HMG20A: variants seen among roughly 807,000 people sequenced by gnomAD.
HMG20A encodes the protein high mobility group protein 20A.
HMG20A carries 17 observed loss-of-function variants against 43.9 expected under a neutral mutation model. The observed-to-expected ratio is 0.39, with a 90% CI of 0.27 to 0.58. The LOEUF (loss-of-function observed/expected upper bound fraction) is 0.58. HMG20A is among the 20% of genes least tolerant of loss of function. The pLI is 0.59. For synonymous variants in HMG20A, 132 were observed against 147.5 expected (o/e 0.89, Z 0.76); for missense variants, 341 against 438.2 (o/e 0.78, Z 1.98).
At chr15:77,477,668 T>C (rs1327191307) in intron 7 of HMG20A, 38 bp downstream of exon 7, 2 of 1,377,336 alleles carry the variant, frequency 1.5e-6, no homozygotes, top group South Asian at 2.4e-5. Context: ...TCTCAGATTT[T>C]TGACAGGGGA....
Position 77,477,552 on chromosome 15 carries a change from CAGAA to C in HMG20A, c.619_622del (p.Glu207GlnfsTer3). 1 of 1,600,756 alleles carries C rather than the reference CAGAA, an allele frequency of 6.2e-7. No individual in the cohort carries two copies. Among genetic ancestry groups the C allele is most frequent in the Non-Finnish European group, 8.6e-7 (1 of 1,169,314 alleles). ...TAACTGTTTTGTTCCTCTTGATTCA[CAGAA>C]AGAAACAGAGGTAAAGGAACGGTCT... On this transcript the variant is annotated splice_acceptor_variant and coding_sequence_variant, in exon 7 of 10. Coordinates refer to ENST00000336216, the MANE Select transcript of HMG20A (RefSeq NM_001304504.2). LOFTEE classifies it high-confidence loss of function.
the HMG20A span, among the ~76,000 whole-genome samples, chr15:77,503,169 A>C: frequency 2.0e-5 from 3 of 152,204 alleles, no homozygotes; most frequent in Non-Finnish European, 4.4e-5. Context: ...GACAAAGCAT[A>C]GATAGATAAG....
In HMG20A at chr15:77,478,362, G is replaced by A; in HGVS notation, c.759G>A (p.Leu253=). 3.1e-6 allele frequency: 5 copies of A among 1,613,656 alleles called. No individual in the cohort carries two copies. Among genetic ancestry groups the A allele is most frequent in the Non-Finnish European group, 4.2e-6 (5 of 1,180,032 alleles). The change falls in exon 8 of 10, where the codon CTG becomes CTA. Residue 253 remains leucine, a synonymous_variant. Coordinates refer to ENST00000336216, the MANE Select transcript of HMG20A (RefSeq NM_001304504.2). ...NMEFEERNAA[L]QKHVESMRTA... Reference sequence around the variant, plus strand: ...AGTTTGAGGAGAGGAATGCAGCCCTGCAAAAGCACGTGGAGAGCATGCGCA... The same window carrying A: ...AGTTTGAGGAGAGGAATGCAGCCCTACAAAAGCACGTGGAGAGCATGCGCA...
At chr15:77,480,625 A>C (rs866803349) in intron 9 of HMG20A, among the ~76,000 whole-genome samples, 3 of 151,158 alleles carry the variant, frequency 2.0e-5, no homozygotes, top group Non-Finnish European at 4.4e-5. Flanking sequence ...AAAAAAAAAA[A>C]CAAAATAAAA....
intron 1 of HMG20A, among the ~76,000 whole-genome samples, chr15:77,457,606 G>T (rs2072666675): frequency 6.6e-6 from 1 of 152,144 alleles, no homozygotes; most frequent in Admixed American, 6.5e-5. Flanking sequence ...TTGTCACTTT[G>T]TCCTTTTATC....
chr15:77,506,485 C>T, the HMG20A span, among the ~76,000 whole-genome samples: 9 of 152,184 alleles, frequency 5.9e-5, no homozygotes, highest in East Asian at 5.8e-4. Flanking sequence ...CTGGAGTGTG[C>T]GGCTGCCCTC....
chr15:77,489,692 C>G (rs1329062844), downstream of HMG20A, among the ~76,000 whole-genome samples: 2 of 152,120 alleles, frequency 1.3e-5, no homozygotes, highest in Non-Finnish European at 2.9e-5. Flanking sequence ...AAAGTATCTT[C>G]TGAAGAAAGA....
chr15:77,471,598 C>G (rs1220321834), intron 5 of HMG20A, among the ~76,000 whole-genome samples, 185 bp from the exon 6 acceptor site: 1 of 152,142 alleles, frequency 6.6e-6, no homozygotes, highest in Non-Finnish European at 1.5e-5. Context: ...ATTATGAATT[C>G]TGTAGGCATG....
intron 1 of HMG20A, among the ~76,000 whole-genome samples, chr15:77,448,807 G>A (rs183554706): frequency 0.013 from 2,002 of 152,192 alleles, 25 homozygotes; most frequent in South Asian, 0.028. Flanking sequence ...AATAAGGCCG[G>A]GCGCGGTGGC....
At chr15:77,450,255 C>T (rs762560016) in intron 1 of HMG20A, among the ~76,000 whole-genome samples, 2 of 151,976 alleles carry the variant, frequency 1.3e-5, no homozygotes, top group African/African-American at 2.4e-5. Context: ...TCAGCCTCCC[C>T]GAGTAGCTAG....
intron 6 of HMG20A, among the ~76,000 whole-genome samples, chr15:77,476,080 G>A (rs1045243635): frequency 1.3e-5 from 2 of 152,084 alleles, no homozygotes; most frequent in African/African-American, 4.8e-5. Flanking sequence ...CTTACTAGGC[G>A]GCCACCGTTA....
At chr15:77,519,079 C>CA in the HMG20A span, among the ~76,000 whole-genome samples, 78 of 152,294 alleles carry the variant, frequency 5.1e-4, no homozygotes, top group Middle Eastern at 0.017. Context: ...AAGCCAAATG[C>CA]AAATGGCCAC....
At chr15:77,444,201 A>G (rs1324760134) in intron 1 of HMG20A, among the ~76,000 whole-genome samples, 2 of 152,182 alleles carry the variant, frequency 1.3e-5, no homozygotes, top group Non-Finnish European at 2.9e-5. Context: ...TTTTACATAT[A>G]AGGGTATTGA....
intron 1 of HMG20A, among the ~76,000 whole-genome samples, chr15:77,447,201 A>C (rs2073683995): frequency 6.6e-6 from 1 of 152,166 alleles, no homozygotes; most frequent in Non-Finnish European, 1.5e-5. Flanking sequence ...CAGTGCTTAG[A>C]TTGCCTCTGT....
chr15:77,470,621 A>T (rs1322504727), intron 4 of HMG20A, among the ~76,000 whole-genome samples: 1 of 152,228 alleles, frequency 6.6e-6, no homozygotes, highest in Non-Finnish European at 1.5e-5. Context: ...AACTCTAATC[A>T]TCTTCATGAA....
At chr15:77,442,054 A>C (rs1353927415) in intron 1 of HMG20A, among the ~76,000 whole-genome samples, 1 of 152,246 alleles carries the variant, frequency 6.6e-6, no homozygotes, top group Non-Finnish European at 1.5e-5. Flanking sequence ...ATTGGCAAGA[A>C]GTAAAACAAC....
chr15:77,460,524 G>A lies in HMG20A; in HGVS notation c.89+2028G>A, dbSNP rs575808779. Among the ~76,000 whole-genome samples, 29 of 152,292 alleles carry A rather than the reference G, an allele frequency of 1.9e-4. No individual in the cohort carries two copies. In the South Asian group the frequency reaches 2.5e-3, roughly 13 times the overall value. On this transcript the variant is annotated intron_variant, in intron 2 of 9. Coordinates refer to ENST00000336216, the MANE Select transcript of HMG20A (RefSeq NM_001304504.2). ...ATGTCAAATAGGCACTTTGATATCA[G>A]GTTCTGCTATTAGGGGAAGTTTAGG...
At chr15:77,508,958 C>T in the HMG20A span, among the ~76,000 whole-genome samples, 4 of 152,214 alleles carry the variant, frequency 2.6e-5, no homozygotes, top group Admixed American at 1.3e-4. Context: ...AGCTGCTTCC[C>T]ATGGCCTCTT....
chr15:77,512,844 T>C, the HMG20A span, among the ~76,000 whole-genome samples: 3 of 152,198 alleles, frequency 2.0e-5, no homozygotes, highest in African/African-American at 7.2e-5. Flanking sequence ...TGAAGCCTGG[T>C]AGATACCATC....
Sources: allele counts gnomAD v4.1 joint callset (sites outside exome capture counted in the v4.1 genomes callset), GRCh38; gene constraint gnomAD v4.1.1; transcripts MANE v1.5; gene names NCBI Gene and HGNC (gene_info 2026-07-23, HGNC 2026-07-21).